The following COL18A1 variants were observed in gnomAD, a reference collection of about 807,000 sequenced individuals.
COL18A1 encodes collagen alpha-1(XVIII) chain.
A neutral mutation model predicts 168.0 loss-of-function variants in COL18A1; 133 were observed. The ratio of observed to expected loss-of-function variants is 0.79; its 90% CI spans 0.69 to 0.91. COL18A1 has a LOEUF of 0.91. Ranked by LOEUF, COL18A1 falls within the 40% of genes least tolerant of loss-of-function variation. The probability of loss-of-function intolerance (pLI) is 0.00; values close to 1 mark genes in which losing one functional copy is unlikely to be tolerated. For missense variants in COL18A1, 2,126 were observed against 1,925.4 expected (o/e 1.10, Z -1.95); for synonymous variants, 949 against 809.0 (o/e 1.17, Z -2.94).
intron 6 of COL18A1, 151 bp from the exon 7 acceptor site, chr21:45,477,260 G>A (rs1268803308): frequency 1.5e-6 from 1 of 668,836 alleles, no homozygotes; most frequent in Non-Finnish European, 2.7e-6. Flanking sequence ...TGGAGCTCAG[G>A]GGAGTGCGGC....
chr21:45,418,767 A>AGC (rs1265496373), intron 2 of COL18A1, among the ~76,000 whole-genome samples: 15 of 151,306 alleles, frequency 9.9e-5, no homozygotes, highest in South Asian at 4.2e-4. Context: ...GGGGCCTCCA[A>AGC]GGCTGTCTCT....
intron 13 of COL18A1, 26 bp from the exon 14 acceptor site, chr21:45,481,937 A>C (rs1312538624): frequency 1.3e-6 from 2 of 1,566,346 alleles, no homozygotes. Flanking sequence ...TGCCATCAAG[A>C]CCCACTATGC....
In COL18A1 at chr21:45,474,129, A is replaced by G. The variant is rs2035545877; in HGVS notation, c.738+148A>G. ...TACCATTTCTGTGCTCTCCTGTAGC[A>G]CCTCAGAGCCCTTCCTTGCCCTGAA... On this transcript the variant is annotated intron_variant, in intron 4 of 41. Coordinates refer to ENST00000651438, the MANE Select transcript of COL18A1 (RefSeq NM_001379500.1). 40 of 645,734 alleles carry G rather than the reference A, an allele frequency of 6.2e-5. No individual in the cohort carries two copies. The South Asian group carries it at 7.3e-4, about 12-fold the overall frequency. The allele number at this position is 645,734 out of a possible 1,614,324, so 40.0% of individuals were successfully genotyped here. A position where few individuals can be genotyped will look rare whatever the true frequency, so the allele number is the denominator to read the frequency against.
In COL18A1 at chr21:45,433,978, C is replaced by T. The variant is rs188847012; in HGVS notation, c.106+28505C>T. 6.7e-5 allele frequency among the ~76,000 whole-genome samples: 10 copies of T among 148,164 alleles called. No individual in the cohort carries two copies. The East Asian group carries it at 2.0e-3, about 30-fold the overall frequency. ...ACCATCAGGGGCGGAGGGGAATGAA[C>T]ACCCACCCTTTGGGGGCTCAGGTGC... On this transcript the variant is annotated intron_variant, in intron 2 of 41. Coordinates refer to ENST00000651438, the MANE Select transcript of COL18A1 (RefSeq NM_001379500.1).
chr21:45,460,366 G>A (rs534430221), intron 2 of COL18A1, among the ~76,000 whole-genome samples: 13 of 152,260 alleles, frequency 8.5e-5, no homozygotes, highest in African/African-American at 2.6e-4. Flanking sequence ...CACACACGCC[G>A]GCCAAGTCGC....
chr21:45,487,549 AG>A, intron 17 of COL18A1, 40 bp downstream of exon 17: 3 of 1,609,670 alleles, frequency 1.9e-6, no homozygotes, highest in Non-Finnish European at 2.5e-6. Flanking sequence ...CTGAGGGGTA[AG>A]GGGGTGTTGC....
chr21:45,478,409 C>T (rs1227235638), intron 9 of COL18A1, 56 bp downstream of exon 9: 2 of 1,612,970 alleles, frequency 1.2e-6, no homozygotes, highest in East Asian at 2.2e-5. Flanking sequence ...GCTTAGACCC[C>T]AGGGCTTTGT....
In COL18A1 at chr21:45,512,507, C is replaced by G; in HGVS notation, c.*109C>G. 1 of 980,390 alleles carries G rather than the reference C, an allele frequency of 1.0e-6. No homozygotes were observed. Among genetic ancestry groups the G allele is most frequent in the East Asian group, 2.6e-5 (1 of 38,850 alleles). The allele number at this position is 980,390 out of a possible 1,614,324, so 60.7% of individuals were successfully genotyped here. On this transcript the variant is annotated 3_prime_UTR_variant, in exon 42 of 42. Coordinates refer to ENST00000651438, the MANE Select transcript of COL18A1 (RefSeq NM_001379500.1). Reference sequence around the variant, plus strand: ...CTGGCCCCAGGACCTGGCTGCCATACTTTCCTGTATAGTTCACGTTTCATG... The same window carrying G: ...CTGGCCCCAGGACCTGGCTGCCATAGTTTCCTGTATAGTTCACGTTTCATG...
intron 3 of COL18A1, among the ~76,000 whole-genome samples, chr21:45,470,945 G>A (rs1388224791): frequency 2.0e-5 from 3 of 151,096 alleles, no homozygotes; most frequent in Non-Finnish European, 4.4e-5. Flanking sequence ...CGTGGGTGGC[G>A]TGCAGCAGGC....
chr21:45,502,416 C>T (rs2036914960), intron 32 of COL18A1: 1 of 152,210 alleles, frequency 6.6e-6, no homozygotes, highest in Non-Finnish European at 1.5e-5. Flanking sequence ...CCTGTTTCTA[C>T]ACATCAGCCT....
chr21:45,428,356 G>T (rs1328643450), intron 2 of COL18A1, among the ~76,000 whole-genome samples: 1 of 152,190 alleles, frequency 6.6e-6, no homozygotes, highest in Non-Finnish European at 1.5e-5. Context: ...GCCAAGGATG[G>T]GGTCTCTGGG....
chr21:45,412,330 G>C (rs779826656), intron 2 of COL18A1, among the ~76,000 whole-genome samples: 3 of 150,726 alleles, frequency 2.0e-5, no homozygotes, highest in Non-Finnish European at 4.4e-5. Flanking sequence ...TCCATCTTCC[G>C]GGCTCAAGCG....
chr21:45,507,011 C>A, intron 37 of COL18A1: 1 of 296,452 alleles, frequency 3.4e-6, no homozygotes, highest in South Asian at 3.0e-5. Flanking sequence ...CTTTCAGGGG[C>A]TTTGGTCCTG....
At chr21:45,477,384 C>T (rs771176639) in intron 6 of COL18A1, 27 bp from the exon 7 acceptor site, 29 of 1,598,388 alleles carry the variant, frequency 1.8e-5, no homozygotes, top group South Asian at 3.4e-5. Context: ...GGGGCGTGAC[C>T]GTGGCCACCT....
In COL18A1 at chr21:45,443,290, C is replaced by T. The variant is rs966248788; in HGVS notation, c.107-24952C>T. Among the ~76,000 whole-genome samples the T allele has an allele frequency of 2.0e-5, 3 of 152,150 alleles. No individual in the cohort carries two copies. The highest frequency in any genetic ancestry group is 6.5e-5 in the Admixed American group (1 of 15,280). ...TGTCACAGCTGGGGTCTGGGTAGGT[C>T]TGGCAGCCCCATGGGAACCTGGCTG... is the stretch of plus-strand genomic sequence containing the variant. On this transcript the variant is annotated intron_variant, in intron 2 of 41. Coordinates refer to ENST00000651438, the MANE Select transcript of COL18A1 (RefSeq NM_001379500.1). The surrounding 1 kb of genome is among the most constrained non-coding windows in gnomAD (Gnocchi z 5.2).
At chr21:45,437,677 G>C (rs188565767) in intron 2 of COL18A1, among the ~76,000 whole-genome samples, 5 of 28,288 alleles carry the variant, frequency 1.8e-4, no homozygotes, top group Admixed American at 3.9e-4. Context: ...CAGACACACA[G>C]GCACTCTCCT....
At chr21:45,510,297 G>C (rs536097436) in intron 40 of COL18A1, 36 bp downstream of exon 40, 2 of 1,561,290 alleles carry the variant, frequency 1.3e-6, no homozygotes. Flanking sequence ...CGGGCTCCTC[G>C]GCCCCCACTT....
At position 45,456,964 on chromosome 21, in the gene COL18A1, C is replaced by T. The variant is rs896567688; in HGVS notation, c.107-11278C>T. On this transcript the variant is annotated intron_variant, in intron 2 of 41. Transcript: ENST00000651438. ...GGGCGGGGCTGACGTGAGCCTGGTA[C>T]AGGTTCCCCCCACATCGAATCTCTA... is the stretch of plus-strand genomic sequence containing the variant. 11 of 1,138,624 alleles carry T rather than the reference C, an allele frequency of 9.7e-6. No individual in the cohort carries two copies. The South Asian group carries it at 2.1e-4, about 22-fold the overall frequency. The allele number at this position is 1,138,624 out of a possible 1,614,324, so 70.5% of individuals were successfully genotyped here. A position where few individuals can be genotyped will look rare whatever the true frequency, so the allele number is the denominator to read the frequency against.
At chr21:45,489,276 A>G (rs2036217782) in intron 18 of COL18A1, among the ~76,000 whole-genome samples, 1 of 152,196 alleles carries the variant, frequency 6.6e-6, no homozygotes, top group East Asian at 1.9e-4. Context: ...CAGGTTCCGC[A>G]GCCGTCCCGG....
Sources: allele counts gnomAD v4.1 joint callset (sites outside exome capture counted in the v4.1 genomes callset), GRCh38; gene constraint gnomAD v4.1.1; non-coding constraint Gnocchi (gnomAD v3.1); transcripts MANE v1.5; gene names NCBI Gene and HGNC (gene_info 2026-07-23, HGNC 2026-07-21).